Variants in IQGAP2 observed in about 807,000 individuals in gnomAD.
The protein encoded by IQGAP2 is IQ motif containing GTPase activating protein 2.
A neutral mutation model predicts 201.3 loss-of-function variants in IQGAP2; 173 were observed. The ratio of observed to expected loss-of-function variants is 0.86; its 90% CI spans 0.76 to 0.98. The LOEUF (loss-of-function observed/expected upper bound fraction) is 0.98. Among genes scored for constraint, IQGAP2 ranks in the 50% least tolerant of loss-of-function variants. The pLI, the probability that IQGAP2 is intolerant of heterozygous loss-of-function variation, is 0.00. For missense variants in IQGAP2, 1,687 were observed against 1,864.8 expected, an observed-to-expected ratio of 0.90 and a Z score of 1.76; for synonymous variants, 675 against 673.9, an observed-to-expected ratio of 1.00 and a Z score of -0.03.
intron 5 of IQGAP2, among the ~76,000 whole-genome samples, chr5:76,584,390 T>G (rs1052347741): frequency 6.6e-6 from 1 of 152,114 alleles, no homozygotes; most frequent in East Asian, 1.9e-4. Flanking sequence ...GAACAACCCC[T>G]AACATGAAGT....
At position 76,513,451 on chromosome 5, in the gene IQGAP2, T is replaced by A. The variant is rs76691211; in HGVS notation, c.147-48945T>A. 3.3e-5 allele frequency among the ~76,000 whole-genome samples: 5 copies of A among 152,342 alleles called. No individual in the cohort carries two copies. The East Asian group carries it at 9.6e-4, about 29-fold the overall frequency. ...GGCATAATTCAAACACTTAAACTAG[T>A]TTGCGTATATGTATAAAATTCCTAG... On this transcript the variant is annotated intron_variant, in intron 2 of 35. Coordinates refer to ENST00000274364, the MANE Select transcript of IQGAP2 (RefSeq NM_006633.5).
intron 5 of IQGAP2, among the ~76,000 whole-genome samples, chr5:76,586,616 G>A (rs1746267096): frequency 6.6e-6 from 1 of 151,934 alleles, no homozygotes; most frequent in African/African-American, 2.4e-5. Context: ...GTGGTGATAA[G>A]GGGACAAAGA....
intron 2 of IQGAP2, among the ~76,000 whole-genome samples, chr5:76,537,225 G>A (rs1228773952): frequency 6.6e-6 from 1 of 152,196 alleles, no homozygotes; most frequent in Non-Finnish European, 1.5e-5. Context: ...GATAATTTTG[G>A]TTAAGATAAG....
At chr5:76,618,898 C>T (rs1207103462) in intron 13 of IQGAP2, among the ~76,000 whole-genome samples, 3 of 152,058 alleles carry the variant, frequency 2.0e-5, no homozygotes, top group African/African-American at 7.2e-5. Flanking sequence ...TTAGAAGAAA[C>T]AAAAACAGCC....
chr5:76,623,131 C>T, intron 13 of IQGAP2: 2 of 1,603,562 alleles, frequency 1.2e-6, no homozygotes, highest in East Asian at 4.5e-5. Flanking sequence ...AACAGAAACC[C>T]ACATCCCCAT....
rs1248310220 is a variant in IQGAP2, at chr5:76,645,816, T to C, written c.2094+4713T>C. 1.8e-4 allele frequency among the ~76,000 whole-genome samples: 19 copies of C among 104,584 alleles called. No homozygotes were observed. The Admixed American group carries it at 1.9e-3, about 11-fold the overall frequency. The allele number at this position is 104,584 out of a possible 152,430, so 68.6% of individuals were successfully genotyped here. On this transcript the variant is annotated intron_variant, in intron 17 of 35. Coordinates refer to ENST00000274364, the MANE Select transcript of IQGAP2 (RefSeq NM_006633.5). ...ATGAGCTCTCAAGGTAAATAGTTAATCCTTAGTATATTAAAAAAAAAAAAA... is the reference window on the plus strand; with the variant it reads ...ATGAGCTCTCAAGGTAAATAGTTAACCCTTAGTATATTAAAAAAAAAAAAA...
At chr5:76,500,030 C>T (rs984485827) in intron 2 of IQGAP2, among the ~76,000 whole-genome samples, 5 of 152,000 alleles carry the variant, frequency 3.3e-5, no homozygotes, top group African/African-American at 4.8e-5. Flanking sequence ...ATTGCTTGAG[C>T]GTGGGAGGTT....
chr5:76,526,589 A>G (rs1758989282), intron 2 of IQGAP2, among the ~76,000 whole-genome samples: 1 of 152,224 alleles, frequency 6.6e-6, no homozygotes, highest in Non-Finnish European at 1.5e-5. Context: ...AAATGTTTTA[A>G]CAATAACTAG....
chr5:76,405,761 G>C (rs1750761978), intron 1 of IQGAP2, among the ~76,000 whole-genome samples: 1 of 152,110 alleles, frequency 6.6e-6, no homozygotes, highest in African/African-American at 2.4e-5. Context: ...ATCGTGCTGT[G>C]AGCTCTTCAT....
chr5:76,607,819 C>T (rs918148207), intron 12 of IQGAP2: 4 of 152,242 alleles, frequency 2.6e-5, no homozygotes, highest in African/African-American at 9.6e-5. Flanking sequence ...GTTGCTACAG[C>T]AACTGCCACC....
chr5:76,480,072 C>A (rs1003244973), intron 2 of IQGAP2, among the ~76,000 whole-genome samples: 3 of 152,030 alleles, frequency 2.0e-5, no homozygotes, highest in Non-Finnish European at 4.4e-5. Context: ...GACATTTGTG[C>A]CACTTTACGC....
At chr5:76,461,080 G>T (rs538700268) in intron 1 of IQGAP2, among the ~76,000 whole-genome samples, 2 of 151,830 alleles carry the variant, frequency 1.3e-5, no homozygotes, top group Non-Finnish European at 2.9e-5. Context: ...GGGTTTCACC[G>T]TGTTAGCCAG....
intron 1 of IQGAP2, among the ~76,000 whole-genome samples, chr5:76,435,187 G>C (rs1752588429): frequency 6.6e-6 from 1 of 151,702 alleles, no homozygotes; most frequent in Non-Finnish European, 1.5e-5. Context: ...TTCTTTTGCT[G>C]TGCAGAAGCT....
Position 76,665,138 on chromosome 5 carries a change from C to T in IQGAP2, c.2642C>T (p.Thr881Ile), listed in dbSNP as rs765300091. Reference sequence around the variant, plus strand: ...AGTTTGAGTAAGGAGAGGAGAAAAACACTAGAAACATATCAGCAGCTGTTT... The same window carrying T: ...AGTTTGAGTAAGGAGAGGAGAAAAATACTAGAAACATATCAGCAGCTGTTT... ...IKSLSKERRK[T>I]LETYQQLFYL... Residue 881 changes from threonine (T) to isoleucine (I), a missense_variant, in exon 22 of 36, where the codon ACA becomes ATA. By Grantham distance (89) the Thr-to-Ile change is moderately conservative. Transcript: ENST00000274364. 6.2e-7 allele frequency: 1 copy of T among 1,613,500 alleles called. No individual in the cohort carries two copies. The highest frequency in any genetic ancestry group is 2.2e-5 in the East Asian group (1 of 44,820).
At chr5:76,595,029 G>A (rs2150314435) in intron 9 of IQGAP2, among the ~76,000 whole-genome samples, 1 of 151,864 alleles carries the variant, frequency 6.6e-6, no homozygotes, top group East Asian at 1.9e-4. Context: ...CAACCATGTA[G>A]GTTATTATAT....
chr5:76,577,579 AT>A (rs1217819655), intron 5 of IQGAP2, among the ~76,000 whole-genome samples: 1 of 152,222 alleles, frequency 6.6e-6, no homozygotes, highest in East Asian at 1.9e-4. Context: ...AAATTATTGT[AT>A]AGCTGCCTCT....
chr5:76,464,147 G>A (rs767162684), intron 2 of IQGAP2, among the ~76,000 whole-genome samples: 1 of 152,014 alleles, frequency 6.6e-6, no homozygotes, highest in Non-Finnish European at 1.5e-5. Context: ...CACTGTACTC[G>A]GCCAAGACAC....
Position 76,562,565 on chromosome 5 carries a change from TA to T in IQGAP2, c.303+15del, listed in dbSNP as rs1242022046. ...AACACGTTATAAGGTAACCAAGATC[TA>T]ATTGGTTTTGGCTTCCAGCTAAAAG... On this transcript the variant is annotated intron_variant, in intron 3 of 35. Coordinates refer to ENST00000274364, the MANE Select transcript of IQGAP2 (RefSeq NM_006633.5). The T allele has an allele frequency of 6.2e-7, 1 of 1,605,486 alleles. No individual in the cohort carries two copies. Among genetic ancestry groups the T allele is most frequent in the East Asian group, 2.2e-5 (1 of 44,704 alleles).
In IQGAP2 at chr5:76,520,190, C is replaced by T. The variant is rs564577095; in HGVS notation, c.147-42206C>T. The stretch of plus-strand genomic sequence containing the variant: ...TTTACATGTAGGTCTGTAACAATTT[C>T]GGGTTAATTTTTATATAAGATGTAA... On this transcript the variant is annotated intron_variant, in intron 2 of 35. Coordinates refer to ENST00000274364, the MANE Select transcript of IQGAP2 (RefSeq NM_006633.5). Among the ~76,000 whole-genome samples, 284 of 151,278 alleles carry T rather than the reference C, an allele frequency of 1.9e-3. 3 individuals are homozygous for T. Among genetic ancestry groups the T allele is most frequent in the African/African-American group, 6.6e-3 (270 of 41,196 alleles).
Sources: allele counts gnomAD v4.1 joint callset (sites outside exome capture counted in the v4.1 genomes callset), GRCh38; gene constraint gnomAD v4.1.1; transcripts MANE v1.5; gene names NCBI Gene and HGNC (gene_info 2026-07-23, HGNC 2026-07-21).